ANXA2: variants seen among roughly 807,000 people sequenced by gnomAD.
ANXA2 encodes the protein annexin II.
ANXA2 carries 28 observed loss-of-function variants against 47.3 expected under a neutral mutation model. The ratio of observed to expected loss-of-function variants is 0.59; its 90% CI spans 0.44 to 0.81. ANXA2 has a LOEUF of 0.81. Ranked by LOEUF, ANXA2 falls within the 40% of genes least tolerant of loss-of-function variation. The probability of loss-of-function intolerance (pLI) is 0.00; values close to 1 mark genes in which losing one functional copy is unlikely to be tolerated. For missense variants in ANXA2, 384 were observed against 414.3 expected, an observed-to-expected ratio of 0.93 and a Z score of 0.64; for synonymous variants, 172 against 155.5, an observed-to-expected ratio of 1.11 and a Z score of -0.79.
chr15:60,368,833 T>A (rs1444930482), intron 3 of ANXA2, among the ~76,000 whole-genome samples: 1 of 152,104 alleles, frequency 6.6e-6, no homozygotes, highest in Non-Finnish European at 1.5e-5. Context: ...TTCAAGAGAG[T>A]CCCTGTATAA....
chr15:60,363,852 T>C (rs1425722595), intron 4 of ANXA2, among the ~76,000 whole-genome samples: 1 of 152,178 alleles, frequency 6.6e-6, no homozygotes, highest in Non-Finnish European at 1.5e-5. Context: ...ATCCTAAAAT[T>C]AAATTAGAAA....
chr15:60,366,990 G>A (rs1595681591), intron 3 of ANXA2, among the ~76,000 whole-genome samples: 1 of 81,498 alleles, frequency 1.2e-5, no homozygotes, highest in Non-Finnish European at 2.5e-5. Context: ...TCAGCCCCCC[G>A]CCCGGCCAGC....
chr15:60,364,517 T>G lies in ANXA2; in HGVS notation c.155A>C (p.Asp52Ala). 6.2e-7 allele frequency: 1 copy of G among 1,611,524 alleles called. No individual in the cohort carries two copies. Among genetic ancestry groups the G allele is most frequent in the Non-Finnish European group, 8.5e-7 (1 of 1,179,140 alleles). Reference protein sequence around the residue: ...IETAIKTKGVDEVTIVNILTN... With the variant: ...IETAIKTKGVAEVTIVNILTN... ...CAAAATGTTGACAATGGTGACCTCA[T>G]CCACACCTATGGAAATACAAGTTGT... Residue 52 changes from aspartate (D) to alanine (A), a missense_variant, in exon 4 of 13, where the codon GAT becomes GCT. Coordinates refer to ENST00000451270, the MANE Select transcript of ANXA2 (RefSeq NM_004039.3).
rs777702126 is a variant in ANXA2, at chr15:60,351,193, C to T, written c.837G>A (p.Lys279=). ...AGCTCTCTCAGCCAGCTGCCCTTAC[C>T]TTCATGGAGTCATACAGCCGATCAG... is the stretch of plus-strand genomic sequence containing the variant. ...YFADRLYDSM[K]GKGTRDKVLI... The change falls in exon 11 of 13, where the codon AAG becomes AAA. Residue 279 remains lysine, a splice_region_variant and synonymous_variant. Transcript: ENST00000451270. 2.8e-5 allele frequency: 46 copies of T among 1,614,132 alleles called. No homozygotes were observed. Among genetic ancestry groups the T allele is most frequent in the Non-Finnish European group, 3.9e-5 (46 of 1,179,988 alleles).
intron 1 of ANXA2, chr15:60,390,178 C>A (rs2062989616): frequency 5.6e-6 from 4 of 708,246 alleles, no homozygotes; most frequent in East Asian, 1.3e-4. Flanking sequence ...AAAAACAAAA[C>A]ACAAACATCA....
At chr15:60,392,999 C>CA (rs1268429904) in intron 1 of ANXA2, 2 of 1,272,514 alleles carry the variant, frequency 1.6e-6, no homozygotes, top group Admixed American at 4.7e-5. Context: ...CACTGTACTC[C>CA]ATCCTCCACC....
At chr15:60,395,444 G>A (rs1265779450) in intron 1 of ANXA2, among the ~76,000 whole-genome samples, 3 of 152,094 alleles carry the variant, frequency 2.0e-5, no homozygotes, top group Non-Finnish European at 4.4e-5. Flanking sequence ...AAATGTCTCC[G>A]CAGGCTCCAG....
intron 12 of ANXA2, 80 bp from the exon 13 acceptor site, chr15:60,347,769 C>T (rs1008300201): frequency 2.4e-5 from 30 of 1,244,816 alleles, no homozygotes; most frequent in African/African-American, 5.9e-5. Context: ...GTAGCCTCAA[C>T]GCACAATGAA....
chr15:60,360,475 T>C (rs2062497026), intron 5 of ANXA2, among the ~76,000 whole-genome samples: 1 of 152,184 alleles, frequency 6.6e-6, no homozygotes, highest in East Asian at 1.9e-4. Context: ...TTACCCCTTA[T>C]ATGCACTATG....
intron 5 of ANXA2, among the ~76,000 whole-genome samples, chr15:60,357,666 G>A (rs563589746): frequency 5.3e-5 from 8 of 152,130 alleles, no homozygotes; most frequent in Non-Finnish European, 1.0e-4. Flanking sequence ...GGTAGCGGGC[G>A]CCTGTAGTCC....
At chr15:60,375,016 C>T (rs1169928340) in intron 3 of ANXA2, among the ~76,000 whole-genome samples, 6 of 152,184 alleles carry the variant, frequency 3.9e-5, no homozygotes, top group African/African-American at 1.4e-4. Flanking sequence ...CTCTTGGCGC[C>T]CTCAAGAGAA....
chr15:60,386,052 C>T lies in ANXA2; in HGVS notation c.24G>A (p.Leu8=). The change falls in exon 2 of 13, where the codon CTG becomes CTA. Residue 8 remains leucine (L), a synonymous_variant. Coordinates refer to ENST00000451270, the MANE Select transcript of ANXA2 (RefSeq NM_004039.3). ...CATCACCCTCCAAGCTGAGCTTGCA[C>T]AGGATTTCGTGAACAGTAGACATTT... MSTVHEI[L]CKLSLEGDHS... is the part of the protein sequence containing the mutation. 1.2e-6 allele frequency: 2 copies of T among 1,612,934 alleles called. No individual in the cohort carries two copies. Among genetic ancestry groups the T allele is most frequent in the Non-Finnish European group, 1.7e-6 (2 of 1,179,546 alleles).
intron 1 of ANXA2, among the ~76,000 whole-genome samples, chr15:60,387,387 A>AT (rs1202984294): frequency 6.6e-6 from 1 of 152,230 alleles, no homozygotes; most frequent in Admixed American, 6.5e-5. Flanking sequence ...CCGTTGGGGT[A>AT]TAATTCTGGT....
chr15:60,356,081 C>T, intron 6 of ANXA2, 83 bp from the exon 7 acceptor site: 1 of 1,043,404 alleles, frequency 9.6e-7, no homozygotes, highest in Non-Finnish European at 1.5e-6. Context: ...CCCACTAAGA[C>T]TCTGAGAAGC....
rs929936302 is a variant in ANXA2 at position 60,352,928 on chromosome 15, C to A, written c.589-452G>T. Among the ~76,000 whole-genome samples the A allele has an allele frequency of 1.3e-5, 2 of 152,078 alleles. No individual in the cohort carries two copies. The highest frequency in any genetic ancestry group is 4.8e-5 in the African/African-American group (2 of 41,396). The stretch of plus-strand genomic sequence containing the variant: ...GGAGTGATGGAGCTGGAAAAGGAGC[C>A]CATCTCATCTCACTTTCAGTTTCTG... On this transcript the variant is annotated intron_variant, in intron 8 of 12. Transcript: ENST00000451270. This position sits in a 1 kb window ranked among gnomAD's most constrained non-coding sequence, Gnocchi z 4.2.
chr15:60,395,879 C>G (rs1197712050), intron 1 of ANXA2: 1 of 152,180 alleles, frequency 6.6e-6, no homozygotes, highest in African/African-American at 2.4e-5. Context: ...ACTGCAGATG[C>G]AAGGGACATT....
intron 11 of ANXA2, 86 bp from the exon 12 acceptor site, chr15:60,349,283 A>T: frequency 6.8e-7 from 1 of 1,480,694 alleles, no homozygotes; most frequent in South Asian, 1.2e-5. Context: ...CCTGATCTGA[A>T]AATCTGAAAT....
intron 5 of ANXA2, among the ~76,000 whole-genome samples, chr15:60,358,310 C>G (rs920095263): frequency 6.6e-6 from 1 of 152,138 alleles, no homozygotes; most frequent in African/African-American, 2.4e-5. Context: ...TGAAAGGACT[C>G]AATGAAACAT....
intron 1 of ANXA2, chr15:60,395,882 G>C (rs978661051): frequency 6.6e-6 from 1 of 152,196 alleles, no homozygotes; most frequent in African/African-American, 2.4e-5. Context: ...GCAGATGCAA[G>C]GGACATTTTT....
Sources: allele counts gnomAD v4.1 joint callset (sites outside exome capture counted in the v4.1 genomes callset), GRCh38; gene constraint gnomAD v4.1.1; non-coding constraint Gnocchi (gnomAD v3.1); transcripts MANE v1.5; gene names NCBI Gene and HGNC (gene_info 2026-07-23, HGNC 2026-07-21).